The following ADPRHL1 variants were observed in gnomAD, a reference collection of about 807,000 sequenced individuals.
ADPRHL1 encodes ADP-ribosylhydrolase like 1, also known as inactive ADP-ribosyltransferase ARH2.
Under a neutral mutation model 44.1 loss-of-function variants are expected in ADPRHL1, and 43 were observed. The ratio of observed to expected loss-of-function variants is 0.98; its 90% CI spans 0.76 to 1.26. ADPRHL1 has a LOEUF of 1.26. Ranked by LOEUF, ADPRHL1 falls within the 50% of genes most tolerant of loss-of-function variation. The pLI is 0.00. For missense variants in ADPRHL1, 2,022 were observed against 2,496.9 expected (o/e 0.81, Z 4.05); for synonymous variants, 878 against 1,017.4 (o/e 0.86, Z 2.61).
chr13:113,442,504 G>T (rs1385125970), intron 2 of ADPRHL1, among the ~76,000 whole-genome samples: 3 of 152,146 alleles, frequency 2.0e-5, no homozygotes, highest in African/African-American at 7.2e-5. Flanking sequence ...ATTTTTTTCA[G>T]TAGCTTAATG....
At chr13:113,439,004 A>T (rs1244862569) in intron 2 of ADPRHL1, among the ~76,000 whole-genome samples, 1 of 152,228 alleles carries the variant, frequency 6.6e-6, no homozygotes, top group Non-Finnish European at 1.5e-5. Context: ...TGAATTTGGG[A>T]AGTATTCCTC....
intron 1 of ADPRHL1, among the ~76,000 whole-genome samples, chr13:113,452,421 A>G (rs1252072565): frequency 6.6e-6 from 1 of 152,206 alleles, no homozygotes; most frequent in Non-Finnish European, 1.5e-5. Context: ...GAGTGAACGC[A>G]TAAGTGAGAT....
chr13:113,442,281 CCT>C (rs1034451167), intron 2 of ADPRHL1, among the ~76,000 whole-genome samples: 2 of 152,136 alleles, frequency 1.3e-5, no homozygotes, highest in African/African-American at 4.8e-5. Flanking sequence ...AAAGTGAGAT[CCT>C]CTCTCTACAA....
In ADPRHL1 at chr13:113,422,849, G is replaced by C. The variant is rs1004960568; in HGVS notation, c.1038C>G (p.Leu346=). The C allele has an allele frequency of 1.9e-6, 3 of 1,612,912 alleles. No homozygotes were observed. Among genetic ancestry groups the C allele is most frequent in the Non-Finnish European group, 1.7e-6 (2 of 1,179,978 alleles). ...KEKLEDLGAA[L]YRLSTEENRK... is the part of the protein sequence containing the mutation. ...ACTTCTCCTCTGTGGACAGGCGGTAGAGAGCCGCGCCCAGGTCCTCCAGCT... is the reference window on the plus strand; with the variant it reads ...ACTTCTCCTCTGTGGACAGGCGGTACAGAGCCGCGCCCAGGTCCTCCAGCT... Residue 346 remains leucine (L), a synonymous_variant, in exon 7 of 8, where the codon CTC becomes CTG. Coordinates refer to ENST00000612156, the MANE Select transcript of ADPRHL1 (RefSeq NM_001394807.1).
chr13:113,406,226 C>A lies in ADPRHL1; in HGVS notation c.3056G>T (p.Ser1019Ile). Reference protein sequence around the residue: ...ASQNLLRGNTSHASSSQQVPS... With the variant: ...ASQNLLRGNTIHASSSQQVPS... Reference sequence around the variant, plus strand: ...CACTTGCTGGCTGCTGGAGGCATGGCTGGTGTTTCCCCTCAGAAGGTTTTG... The same window carrying A: ...CACTTGCTGGCTGCTGGAGGCATGGATGGTGTTTCCCCTCAGAAGGTTTTG... The change falls in exon 8 of 8, where the codon AGC becomes ATC. Residue 1019 changes from serine to isoleucine, a missense_variant. This residue lies in a region of ADPRHL1 where 1,221 missense variants were observed against 1,517.8 expected (regional missense o/e 0.80). Coordinates refer to ENST00000612156, the MANE Select transcript of ADPRHL1 (RefSeq NM_001394807.1). 1 of 1,232,170 alleles carries A rather than the reference C, an allele frequency of 8.1e-7. No homozygotes were observed. Among genetic ancestry groups the A allele is most frequent in the Non-Finnish European group, 1.0e-6 (1 of 988,024 alleles). 76.3% of individuals were successfully genotyped at this position (1,232,170 alleles called of 1,614,324 possible).
intron 7 of ADPRHL1, among the ~76,000 whole-genome samples, chr13:113,421,147 C>T (rs1345515275): frequency 3.6e-5 from 5 of 137,004 alleles, no homozygotes; most frequent in African/African-American, 1.4e-4. Context: ...GGGACACGCA[C>T]ATCCCCAGGA....
chr13:113,444,824 C>T (rs1174237827), intron 1 of ADPRHL1, among the ~76,000 whole-genome samples: 30 of 152,226 alleles, frequency 2.0e-4, no homozygotes, highest in African/African-American at 6.3e-4. Context: ...GGGGTTTCAC[C>T]ATGTCGGCCA....
intron 7 of ADPRHL1, among the ~76,000 whole-genome samples, chr13:113,421,105 G>C: frequency 7.8e-6 from 1 of 128,084 alleles, no homozygotes; most frequent in Admixed American, 8.7e-5. Context: ...CTACCCCCAG[G>C]ACATGCCTAT....
At chr13:113,434,973 G>A (rs373247751) in intron 2 of ADPRHL1, among the ~76,000 whole-genome samples, 26 of 80,230 alleles carry the variant, frequency 3.2e-4, no homozygotes, top group Admixed American at 6.8e-4. Context: ...CCCGGGACCC[G>A]GCACCCAGGT....
chr13:113,444,653 G>A lies in ADPRHL1; in HGVS notation c.215-64C>T, dbSNP rs113346581. Reference sequence around the variant, plus strand: ...TGGTGTGAACTGTGGCCTCCCTCCCGCGGGGTCAGGCACCATAGTCTGGGG... The same window carrying A: ...TGGTGTGAACTGTGGCCTCCCTCCCACGGGGTCAGGCACCATAGTCTGGGG... On this transcript the variant is annotated intron_variant, in intron 1 of 7. Transcript: ENST00000612156. 1,048 of 1,554,530 alleles carry A rather than the reference G, an allele frequency of 6.7e-4. 7 individuals carry two copies. In the African/African-American group the frequency reaches 0.011, roughly 17 times the overall value.
At chr13:113,442,861 C>T (rs1462035893) in intron 2 of ADPRHL1, among the ~76,000 whole-genome samples, 1 of 152,184 alleles carries the variant, frequency 6.6e-6, no homozygotes, top group Non-Finnish European at 1.5e-5. Context: ...GGTCGCTGGT[C>T]CTCCCTTCAT....
At position 113,407,333 on chromosome 13, in the gene ADPRHL1, C is replaced by G; in HGVS notation, c.1949G>C (p.Arg650Thr). 1 of 1,232,054 alleles carries G rather than the reference C, an allele frequency of 8.1e-7. No homozygotes were observed. The highest frequency in any genetic ancestry group is 1.0e-6 in the Non-Finnish European group (1 of 988,044). 76.3% of individuals were successfully genotyped at this position (1,232,054 alleles called of 1,614,324 possible). A position where few individuals can be genotyped will look rare whatever the true frequency, so the allele number is the denominator to read the frequency against. Residue 650 changes from arginine to threonine, a missense_variant, in exon 8 of 8, where the codon AGA (arginine) becomes ACA (threonine). By Grantham distance (71) the Arg-to-Thr change is moderately conservative. Around this residue, in one of 8 missense-constraint regions of ADPRHL1, gnomAD observed 1,221 missense variants for 1,517.8 expected, o/e 0.80. Transcript: ENST00000612156. ...ISHSEARRPP[R>T]GEASVPPSAR... ...ACTAGGGGGCACGCTGGCTTCTCCTCTGGGTGGACGCCTTGCCTCCGAGTG... is the reference window on the plus strand; with the variant it reads ...ACTAGGGGGCACGCTGGCTTCTCCTGTGGGTGGACGCCTTGCCTCCGAGTG...
chr13:113,428,817 C>T, intron 4 of ADPRHL1, 135 bp downstream of exon 4: 1 of 1,387,254 alleles, frequency 7.2e-7, no homozygotes, highest in Non-Finnish European at 9.8e-7. Flanking sequence ...GCCAGCTCTG[C>T]TCACATGGCC....
intron 7 of ADPRHL1, among the ~76,000 whole-genome samples, chr13:113,412,299 T>C (rs1171002933): frequency 6.6e-6 from 1 of 152,132 alleles, no homozygotes; most frequent in Non-Finnish European, 1.5e-5. Context: ...TGCCTCAGCC[T>C]CCCGAGTAGC....
chr13:113,427,017 T>C (rs537983301), intron 4 of ADPRHL1, among the ~76,000 whole-genome samples: 2 of 152,328 alleles, frequency 1.3e-5, no homozygotes, highest in Admixed American at 1.3e-4. Context: ...AGGGAATTCA[T>C]GAAACTCTGG....
rs527849484 is a variant in ADPRHL1 at position 113,409,048 on chromosome 13, C to T, written c.1062-828G>A. The stretch of plus-strand genomic sequence containing the variant: ...CCCCTTTCAAAATGGCTTAGAGGAG[C>T]CACTGAGGCTGGGGGCTGCCGCCCT... On this transcript the variant is annotated intron_variant, in intron 7 of 7. Transcript: ENST00000612156. The surrounding 1 kb of genome is among the most constrained non-coding windows in gnomAD (Gnocchi z 4.2). Among the ~76,000 whole-genome samples, 74 of 152,332 alleles carry T rather than the reference C, an allele frequency of 4.9e-4. No individual in the cohort carries two copies. Among genetic ancestry groups the T allele is most frequent in the South Asian group, 1.0e-3 (5 of 4,828 alleles).
chr13:113,437,693 C>G (rs1258909691), intron 2 of ADPRHL1, among the ~76,000 whole-genome samples: 1 of 152,214 alleles, frequency 6.6e-6, no homozygotes, highest in African/African-American at 2.4e-5. Context: ...CATGGCTGCT[C>G]TATCTGCAGA....
intron 1 of ADPRHL1, among the ~76,000 whole-genome samples, chr13:113,446,466 C>T (rs1343142591): frequency 3.3e-5 from 5 of 152,196 alleles, no homozygotes; most frequent in Admixed American, 6.5e-5. Flanking sequence ...TCCTGGGAGG[C>T]GTGGCCGGCT....
chr13:113,404,153 T>G lies in ADPRHL1; in HGVS notation c.5129A>C (p.Glu1710Ala). 1.2e-6 allele frequency: 1 copy of G among 814,732 alleles called. No individual in the cohort carries two copies. Among genetic ancestry groups the G allele is most frequent in the African/African-American group, 3.4e-5 (1 of 29,562 alleles). The allele number at this position is 814,732 out of a possible 1,614,324, so 50.5% of individuals were successfully genotyped here. Residue 1710 changes from glutamate (E) to alanine (A), a missense_variant, in exon 8 of 8, where the codon GAG becomes GCG. Physicochemically the swap from Glu to Ala is moderately radical, Grantham distance 107. Transcript: ENST00000612156. The part of the protein sequence containing the change: ...AREQAQKGAQ[E>A]RAREQAQKGA... ...TTTCTGGGCCTGTTCCCGAGCCCGC[T>G]CCTGAGCCCCTTTCTGGGCCTGTTC... is the stretch of plus-strand genomic sequence containing the variant.
Sources: gnomAD v4.1 joint callset for allele counts (sites outside exome capture counted in the v4.1 genomes callset) on GRCh38, gnomAD v4.1.1 for gene constraint, gnomAD v4.1.1 regional missense constraint, Gnocchi (gnomAD v3.1) non-coding constraint, MANE v1.5 for transcripts, NCBI Gene and HGNC (gene_info 2026-07-23, HGNC 2026-07-21) for gene names.